Variants in ITGAE observed in about 807,000 individuals in gnomAD.
ITGAE encodes the protein integrin alpha-E.
A neutral mutation model predicts 136.5 loss-of-function variants in ITGAE; 99 were observed. The observed-to-expected ratio is 0.73, with a 90% CI of 0.62 to 0.86. The LOEUF is 0.86. ITGAE is among the 40% of genes least tolerant of loss of function. The pLI is 0.00. For synonymous variants in ITGAE, 613 were observed against 591.8 expected (o/e 1.04, Z -0.52); for missense variants, 1,447 against 1,515.3 (o/e 0.95, Z 0.75).
intron 29 of ITGAE, chr17:3,718,272 T>C (rs576652826): frequency 6.6e-6 from 1 of 152,348 alleles, no homozygotes; most frequent in East Asian, 1.9e-4. Context: ...TTGGAAACTG[T>C]TTCATCCCTG....
chr17:3,787,805 A>G, intron 1 of ITGAE, among the ~76,000 whole-genome samples: 1 of 151,534 alleles, frequency 6.6e-6, no homozygotes, highest in South Asian at 2.1e-4. Flanking sequence ...CTCCTGCCTC[A>G]GCCTCCTGAG....
intron 26 of ITGAE, chr17:3,726,556 A>G: frequency 3.8e-6 from 2 of 521,860 alleles, no homozygotes; most frequent in Non-Finnish European, 6.8e-6. Context: ...AGCCGGGCAC[A>G]GTGGCGTGCG....
At position 3,743,352 on chromosome 17, in the gene ITGAE, A is replaced by C. The variant is rs80018912; in HGVS notation, c.2448+137T>G. 450 of 967,352 alleles carry C rather than the reference A, an allele frequency of 4.7e-4. 1 individual carries two copies. The African/African-American group carries it at 6.6e-3, about 14-fold the overall frequency. The allele number at this position is 967,352 out of a possible 1,614,324, so 59.9% of individuals were successfully genotyped here. A position where few individuals can be genotyped will look rare whatever the true frequency, so the allele number is the denominator to read the frequency against. On this transcript the variant is annotated intron_variant, in intron 19 of 30. Transcript: ENST00000263087. The stretch of plus-strand genomic sequence containing the variant: ...ACCATCTCAGGGACTCAGTTTCACC[A>C]TGAGTACGGTGAGGGGCCCAAATGC...
chr17:3,724,441 T>G, intron 26 of ITGAE: 1 of 1,613,570 alleles, frequency 6.2e-7, no homozygotes, highest in Non-Finnish European at 8.5e-7. Context: ...GCCTCCCTGT[T>G]CAGCTCTCTG....
intron 1 of ITGAE, among the ~76,000 whole-genome samples, chr17:3,796,108 C>CCTGT (rs2053086042): frequency 4.0e-5 from 1 of 25,070 alleles, no homozygotes; most frequent in Non-Finnish European, 7.6e-5. Context: ...TGTGTGCATC[C>CCTGT]CTGTGTGCAT....
At chr17:3,724,847 G>A in intron 26 of ITGAE, 2 of 1,614,088 alleles carry the variant, frequency 1.2e-6, no homozygotes, top group Non-Finnish European at 8.5e-7. Flanking sequence ...AAGAGAGAGG[G>A]CTTCAAGAGG....
chr17:3,785,545 A>C (rs143830716), intron 1 of ITGAE, among the ~76,000 whole-genome samples: 5,526 of 147,172 alleles, frequency 0.038, 180 homozygotes, highest in East Asian at 0.11. Context: ...GAAGGAAGGA[A>C]GGAAGGAAGG....
At chr17:3,762,615 T>TG (rs2052201695) in intron 3 of ITGAE, among the ~76,000 whole-genome samples, 1 of 144,136 alleles carries the variant, frequency 6.9e-6, no homozygotes, top group African/African-American at 2.6e-5. Context: ...TTTTTTTTTT[T>TG]GAGACAGAGT....
chr17:3,733,477 A>G (rs1280173994), intron 21 of ITGAE, among the ~76,000 whole-genome samples: 2 of 152,146 alleles, frequency 1.3e-5, no homozygotes, highest in Non-Finnish European at 2.9e-5. Context: ...GCTGGAGTGC[A>G]GTGGCGCAAT....
intron 22 of ITGAE, 23 bp downstream of exon 22, chr17:3,732,345 C>T (rs1192993005): frequency 1.3e-5 from 21 of 1,560,646 alleles, no homozygotes; most frequent in East Asian, 4.5e-5. Flanking sequence ...GTGAGAAGAG[C>T]GAATCAGTCC....
chr17:3,750,285 GC>G, intron 16 of ITGAE, 66 bp downstream of exon 16: 1 of 1,586,258 alleles, frequency 6.3e-7, no homozygotes, highest in Non-Finnish European at 8.6e-7. Flanking sequence ...TCTGCATGGA[GC>G]TATTTAGAGC....
intron 6 of ITGAE, among the ~76,000 whole-genome samples, chr17:3,760,592 C>G (rs992506853): frequency 4.0e-5 from 6 of 151,796 alleles, no homozygotes; most frequent in Non-Finnish European, 7.4e-5. Flanking sequence ...ATGCACACCA[C>G]CATGCCTGGC....
At chr17:3,767,920 G>A (rs2052336743) in intron 2 of ITGAE, among the ~76,000 whole-genome samples, 1 of 152,136 alleles carries the variant, frequency 6.6e-6, no homozygotes, top group African/African-American at 2.4e-5. Flanking sequence ...CAGGCTTGAG[G>A]AGGAGGAGGC....
At chr17:3,759,686 G>A in intron 7 of ITGAE, 133 bp from the exon 8 acceptor site, 1 of 1,064,960 alleles carries the variant, frequency 9.4e-7, no homozygotes. Flanking sequence ...TGCTAAGGCA[G>A]AGCAAAATCT....
rs1253984226 is a variant in ITGAE, at chr17:3,756,044, G to A, written c.1172-147C>T. 7.1e-6 allele frequency: 5 copies of A among 699,316 alleles called. No homozygotes were observed. In the African/African-American group the frequency reaches 8.9e-5, roughly 12 times the overall value. 43.3% of individuals were successfully genotyped at this position (699,316 alleles called of 1,614,324 possible). On this transcript the variant is annotated intron_variant, in intron 10 of 30. Coordinates refer to ENST00000263087, the MANE Select transcript of ITGAE (RefSeq NM_002208.5). ...AACCCGGCTGAGGGTAGAGACCCAG[G>A]TTCTCCTTGAGCAACTACTATCTGG...
At chr17:3,745,528 G>C (rs1163310154) in intron 18 of ITGAE, among the ~76,000 whole-genome samples, 1 of 152,290 alleles carries the variant, frequency 6.6e-6, no homozygotes, top group Non-Finnish European at 1.5e-5. Context: ...TTTTAGTGGA[G>C]ACAGGGTTTC....
At chr17:3,785,496 GAGGAAGGAAGGA>G (rs71153402) in intron 1 of ITGAE, among the ~76,000 whole-genome samples, 2,691 of 107,764 alleles carry the variant, frequency 0.025, 72 homozygotes, top group African/African-American at 0.066. Context: ...AGGAAGGAAG[GAGGAAGGAAGGA>G]AGGAAGGAAG....
At chr17:3,731,903 T>C (rs1043372967) in intron 22 of ITGAE, among the ~76,000 whole-genome samples, 1 of 151,650 alleles carries the variant, frequency 6.6e-6, no homozygotes, top group South Asian at 2.1e-4. Context: ...TGAAACCCCA[T>C]CTCTACCAAA....
In ITGAE at chr17:3,750,206, C is replaced by T. The variant is rs113933035; in HGVS notation, c.2024+146G>A. ...AGAGGGCTGAGAGCTGAGGTTCAAA[C>T]CCAGACGGGCAGACTCCAGAGCCTG... On this transcript the variant is annotated intron_variant, in intron 16 of 30. Transcript: ENST00000263087. 10,805 of 1,188,166 alleles carry T rather than the reference C, an allele frequency of 9.1e-3. 164 individuals carry two copies. Among genetic ancestry groups the T allele is most frequent in the South Asian group, 0.052 (3,491 of 66,816 alleles). The allele number at this position is 1,188,166 out of a possible 1,614,324, so 73.6% of individuals were successfully genotyped here. A position where few individuals can be genotyped will look rare whatever the true frequency, so the allele number is the denominator to read the frequency against.
Sources: gnomAD v4.1 joint callset for allele counts (sites outside exome capture counted in the v4.1 genomes callset) on GRCh38, gnomAD v4.1.1 for gene constraint, MANE v1.5 for transcripts, NCBI Gene and HGNC (gene_info 2026-07-23, HGNC 2026-07-21) for gene names.